The following MIB1 variants were observed in gnomAD, a reference collection of about 807,000 sequenced individuals.
MIB1 encodes the protein E3 ubiquitin-protein ligase MIB1.
In MIB1, 278 loss-of-function variants were observed where a neutral mutation model predicts 124.5. That is an observed-to-expected ratio of 2.23 (90% CI 2.02 to 2.47). The LOEUF (loss-of-function observed/expected upper bound fraction) is 2.47. Among genes scored for constraint, MIB1 ranks in the 30% most tolerant of loss-of-function variants. The pLI is 0.00. For synonymous variants in MIB1, 446 were observed against 429.4 expected (o/e 1.04, Z -0.48); for missense variants, 957 against 1,254.4 (o/e 0.76, Z 3.58).
intron 7 of MIB1, among the ~76,000 whole-genome samples, chr18:21,791,801 G>A (rs1450807569): frequency 4.6e-5 from 7 of 152,238 alleles, no homozygotes; most frequent in African/African-American, 1.4e-4. Flanking sequence ...GGAGAATGTT[G>A]TGTGGTGCAA....
At chr18:21,825,715 C>T (rs182673735) in intron 12 of MIB1, 5 of 532,050 alleles carry the variant, frequency 9.4e-6, no homozygotes, top group African/African-American at 1.9e-5. Flanking sequence ...ATAGCTACAG[C>T]TGGTTGAAGG....
intron 6 of MIB1, among the ~76,000 whole-genome samples, chr18:21,791,168 C>G (rs2041497990): frequency 6.8e-6 from 1 of 146,736 alleles, no homozygotes; most frequent in Non-Finnish European, 1.5e-5. Context: ...GGTGACAGAG[C>G]AAGACTCTGT....
intron 1 of MIB1, among the ~76,000 whole-genome samples, chr18:21,723,246 G>GT (rs752847487): frequency 2.4e-4 from 37 of 151,372 alleles, no homozygotes; most frequent in South Asian, 4.2e-4. Flanking sequence ...CCATTATTTT[G>GT]TTTTTTTTAA....
chr18:21,710,321 G>A (rs976394545), intron 1 of MIB1, among the ~76,000 whole-genome samples: 8 of 151,988 alleles, frequency 5.3e-5, no homozygotes, highest in African/African-American at 1.7e-4. Flanking sequence ...CTAGAAATCC[G>A]GACCTCAAGT....
chr18:21,759,042 C>T (rs999377980), intron 1 of MIB1, among the ~76,000 whole-genome samples: 2 of 151,960 alleles, frequency 1.3e-5, no homozygotes, highest in African/African-American at 4.8e-5. Flanking sequence ...TTACTAATAA[C>T]ATTTGAACAC....
intron 12 of MIB1, chr18:21,828,782 G>T (rs916659641): frequency 5.2e-6 from 1 of 192,744 alleles, no homozygotes; most frequent in Admixed American, 6.0e-5. Context: ...GGAGTTTCAT[G>T]ATAATTGAAA....
rs1240614160 is a variant in MIB1, at chr18:21,852,988, GA to G, written c.2587-149del. On this transcript the variant is annotated intron_variant, in intron 17 of 20. Coordinates refer to ENST00000261537, the MANE Select transcript of MIB1 (RefSeq NM_020774.4). The stretch of plus-strand genomic sequence containing the variant: ...TAAAGATGTGAAAATGAATAACCAG[GA>G]AAGTAGAGGATGGGAGGAAAGTGTG... 705 of 589,206 alleles carry G rather than the reference GA, an allele frequency of 1.2e-3. 4 individuals are homozygous for G. The highest frequency in any genetic ancestry group is 8.7e-5 in the Non-Finnish European group (29 of 331,976). 36.5% of individuals were successfully genotyped at this position (589,206 alleles called of 1,614,324 possible).
intron 11 of MIB1, among the ~76,000 whole-genome samples, chr18:21,816,553 T>G (rs761643051): frequency 1.8e-4 from 28 of 152,246 alleles, no homozygotes; most frequent in Non-Finnish European, 3.4e-4. Flanking sequence ...AAGTGTTCCC[T>G]GAAATACTAT....
At chr18:21,780,471 G>T (rs78252878) in intron 6 of MIB1, among the ~76,000 whole-genome samples, 2,640 of 152,194 alleles carry the variant, frequency 0.017, 56 homozygotes, top group Non-Finnish European at 0.023. Context: ...CCTCATATGA[G>T]TGAGAACATG....
intron 15 of MIB1, among the ~76,000 whole-genome samples, chr18:21,844,871 C>T (rs1320598860): frequency 6.6e-6 from 1 of 152,172 alleles, no homozygotes; most frequent in Non-Finnish European, 1.5e-5. Context: ...GAAGTGTCTG[C>T]TCAAATCTTT....
chr18:21,778,048 AC>A, intron 4 of MIB1, 54 bp from the exon 5 acceptor site: 1 of 1,193,652 alleles, frequency 8.4e-7, no homozygotes, highest in Non-Finnish European at 1.3e-6. Context: ...TGTTTCAGAT[AC>A]TGAGCCATAT....
chr18:21,803,356 C>T (rs2041670135), intron 9 of MIB1, among the ~76,000 whole-genome samples: 1 of 152,074 alleles, frequency 6.6e-6, no homozygotes, highest in Non-Finnish European at 1.5e-5. Flanking sequence ...TTATACATGT[C>T]CACAACATCT....
At chr18:21,769,797 C>G (rs1017284079) in intron 3 of MIB1, among the ~76,000 whole-genome samples, 2 of 152,176 alleles carry the variant, frequency 1.3e-5, no homozygotes, top group Admixed American at 1.3e-4. Context: ...AATGGAACTT[C>G]CTGGTTTTTT....
chr18:21,850,560 G>A (rs534408428), intron 17 of MIB1, among the ~76,000 whole-genome samples: 2 of 152,090 alleles, frequency 1.3e-5, no homozygotes, highest in Non-Finnish European at 2.9e-5. Flanking sequence ...CCAAATTAAT[G>A]TATCTTTCGT....
At chr18:21,831,985 G>A (rs938695927) in intron 12 of MIB1, among the ~76,000 whole-genome samples, 1 of 152,170 alleles carries the variant, frequency 6.6e-6, no homozygotes, top group African/African-American at 2.4e-5. Context: ...TATCTTTAGA[G>A]CTAGTTGTTG....
intron 12 of MIB1, among the ~76,000 whole-genome samples, chr18:21,820,301 A>G (rs1030289173): frequency 3.3e-5 from 5 of 152,228 alleles, no homozygotes; most frequent in African/African-American, 9.6e-5. Flanking sequence ...GAAATTCTGC[A>G]TTGGATGTCT....
chr18:21,847,706 T>C (rs2042147109), intron 16 of MIB1, among the ~76,000 whole-genome samples: 1 of 148,372 alleles, frequency 6.7e-6, no homozygotes, highest in Admixed American at 6.8e-5. Flanking sequence ...ACACAAACTG[T>C]AGCACCCTGC....
intron 13 of MIB1, among the ~76,000 whole-genome samples, chr18:21,840,656 TATA>T (rs2042078305): frequency 4.9e-4 from 1 of 2,030 alleles, no homozygotes; most frequent in African/African-American, 7.9e-4. Flanking sequence ...TATATATATA[TATA>T]TATATATTTT....
chr18:21,791,187 A>G, intron 6 of MIB1, 187 bp from the exon 7 acceptor site: 1 of 436,776 alleles, frequency 2.3e-6, no homozygotes. Flanking sequence ...GTCTAAAAAA[A>G]AAAAAAACAA....
Sources: allele counts gnomAD v4.1 joint callset (sites outside exome capture counted in the v4.1 genomes callset), GRCh38; gene constraint gnomAD v4.1.1; transcripts MANE v1.5; gene names NCBI Gene and HGNC (gene_info 2026-07-23, HGNC 2026-07-21).